Variants in FYN observed in about 807,000 individuals in gnomAD.
FYN encodes tyrosine-protein kinase Fyn.
In FYN, 10 loss-of-function variants were observed where a neutral mutation model predicts 70.2. The observed-to-expected ratio is 0.14, with a 90% CI of 0.09 to 0.24. The LOEUF (loss-of-function observed/expected upper bound fraction) is 0.24. FYN is among the 10% of genes least tolerant of loss of function. The pLI is 1.00. For synonymous variants in FYN, 236 were observed against 248.6 expected, an observed-to-expected ratio of 0.95 and a Z score of 0.48; for missense variants, 319 against 673.1, an observed-to-expected ratio of 0.47 and a Z score of 5.82.
At chr6:111,777,254 T>G (rs150734271) in intron 3 of FYN, among the ~76,000 whole-genome samples, 1 of 152,202 alleles carries the variant, frequency 6.6e-6, no homozygotes, top group African/African-American at 2.4e-5. Flanking sequence ...TTAGGGGTAA[T>G]AGAAGGGATA....
intron 3 of FYN, among the ~76,000 whole-genome samples, chr6:111,757,869 T>G (rs1802810398): frequency 6.6e-6 from 1 of 152,232 alleles, no homozygotes; most frequent in Non-Finnish European, 1.5e-5. Context: ...GGGGGCCTGG[T>G]CAGCTCATGT....
intron 2 of FYN, among the ~76,000 whole-genome samples, chr6:111,845,963 A>G (rs540433917): frequency 6.6e-6 from 1 of 152,326 alleles, no homozygotes; most frequent in South Asian, 2.1e-4. Context: ...GCCCTCAGTC[A>G]GAGCTTCCAA....
intron 2 of FYN, among the ~76,000 whole-genome samples, chr6:111,824,164 A>C (rs1375581503): frequency 6.6e-6 from 1 of 152,260 alleles, no homozygotes; most frequent in Non-Finnish European, 1.5e-5. Flanking sequence ...GGAAAGTTGA[A>C]AAACATCTTT....
intron 6 of FYN, among the ~76,000 whole-genome samples, chr6:111,704,434 T>C (rs1238483250): frequency 6.6e-6 from 1 of 152,218 alleles, no homozygotes; most frequent in Non-Finnish European, 1.5e-5. Context: ...AAATGGTTAC[T>C]GCAGGAGACC....
At chr6:111,761,781 C>T (rs960913546) in intron 3 of FYN, among the ~76,000 whole-genome samples, 15 of 152,292 alleles carry the variant, frequency 9.8e-5, no homozygotes, top group East Asian at 1.9e-4. Context: ...ACCTCCAGGA[C>T]GCTCTGCAGG....
At chr6:111,735,608 G>A (rs561494416) in intron 3 of FYN, among the ~76,000 whole-genome samples, 3 of 152,212 alleles carry the variant, frequency 2.0e-5, no homozygotes, top group African/African-American at 7.2e-5. Flanking sequence ...GAGTGAAACT[G>A]GGTCTTGATA....
At chr6:111,682,892 A>G (rs1316106439) in intron 12 of FYN, among the ~76,000 whole-genome samples, 2 of 152,272 alleles carry the variant, frequency 1.3e-5, no homozygotes, top group Non-Finnish European at 2.9e-5. Context: ...TAATAGCTGA[A>G]TAAATACCAG....
intron 3 of FYN, among the ~76,000 whole-genome samples, chr6:111,721,684 C>T (rs578111185): frequency 2.2e-4 from 33 of 152,232 alleles, no homozygotes; most frequent in African/African-American, 7.5e-4. Context: ...GCATTACAGG[C>T]GTGAACCACC....
intron 8 of FYN, chr6:111,702,282 C>A (rs1270158148): frequency 6.6e-6 from 1 of 151,860 alleles, no homozygotes; most frequent in Non-Finnish European, 1.5e-5. Context: ...TCAGAAAGAA[C>A]AAAATAATGG....
chr6:111,773,978 C>T (rs1429730127), intron 3 of FYN, among the ~76,000 whole-genome samples: 1 of 152,200 alleles, frequency 6.6e-6, no homozygotes, highest in Non-Finnish European at 1.5e-5. Context: ...TCAAAAACTT[C>T]TGAAATCAAC....
At chr6:111,822,623 G>T (rs1772703952) in intron 2 of FYN, among the ~76,000 whole-genome samples, 1 of 150,582 alleles carries the variant, frequency 6.6e-6, no homozygotes, top group South Asian at 2.1e-4. Flanking sequence ...AGAACTTAAA[G>T]TATTATATAT....
At position 111,822,657 on chromosome 6, in the gene FYN, G is replaced by A. The variant is rs568276410; in HGVS notation, c.-82+23932C>T. Among the ~76,000 whole-genome samples, 6 of 150,288 alleles carry A rather than the reference G, an allele frequency of 4.0e-5. No individual in the cohort carries two copies. The South Asian group carries it at 1.3e-3, about 32-fold the overall frequency. ...ATATATATAAAATTTAAAAAATAAA[G>A]ACAGAGACAATAATCTAAAAAATAA... On this transcript the variant is annotated intron_variant, in intron 2 of 13. Transcript: ENST00000354650.
chr6:111,865,720 A>C (rs1425342277), intron 1 of FYN, among the ~76,000 whole-genome samples: 1 of 152,230 alleles, frequency 6.6e-6, no homozygotes, highest in Admixed American at 6.5e-5. Flanking sequence ...GTCATAACCC[A>C]TAGTTTTTTC....
chr6:111,676,086 C>T (rs530610271), intron 12 of FYN, among the ~76,000 whole-genome samples: 13 of 152,188 alleles, frequency 8.5e-5, no homozygotes, highest in Admixed American at 5.2e-4. Flanking sequence ...TCACTATGTA[C>T]AAAAGTGGCG....
chr6:111,778,655 G>C (rs1005610542), intron 3 of FYN, among the ~76,000 whole-genome samples: 2 of 150,972 alleles, frequency 1.3e-5, no homozygotes, highest in Non-Finnish European at 1.5e-5. Context: ...TGCAACCTCT[G>C]CCTCCTGGGT....
At chr6:111,830,072 G>A (rs1772966507) in intron 2 of FYN, among the ~76,000 whole-genome samples, 1 of 152,140 alleles carries the variant, frequency 6.6e-6, no homozygotes, top group South Asian at 2.1e-4. Context: ...CTGACTCAAT[G>A]GAGCCAGACA....
intron 12 of FYN, among the ~76,000 whole-genome samples, chr6:111,687,397 T>C (rs1799053622): frequency 6.6e-6 from 1 of 152,212 alleles, no homozygotes. Flanking sequence ...TATTTTTATT[T>C]ACAGTCCAAA....
intron 3 of FYN, among the ~76,000 whole-genome samples, chr6:111,770,680 G>T (rs939454782): frequency 1.3e-5 from 2 of 152,174 alleles, no homozygotes; most frequent in African/African-American, 4.8e-5. Context: ...GCAAGTTCAA[G>T]TAGCATAGTG....
intron 2 of FYN, among the ~76,000 whole-genome samples, chr6:111,815,948 C>T (rs1772476579): frequency 6.6e-6 from 1 of 152,126 alleles, no homozygotes; most frequent in African/African-American, 2.4e-5. Context: ...AATCCACCTG[C>T]CTCAGCCTCC....
Sources: allele counts gnomAD v4.1 joint callset (sites outside exome capture counted in the v4.1 genomes callset), GRCh38; gene constraint gnomAD v4.1.1; transcripts MANE v1.5; gene names NCBI Gene and HGNC (gene_info 2026-07-23, HGNC 2026-07-21).